XRCC2: variants seen among roughly 807,000 people sequenced by gnomAD.
XRCC2 encodes the protein X-ray repair cross complementing 2.
XRCC2 carries 24 observed loss-of-function variants against 27.3 expected under a neutral mutation model. The observed-to-expected ratio is 0.88, with a 90% CI of 0.64 to 1.24. The LOEUF (loss-of-function observed/expected upper bound fraction) is 1.24, where lower values mean the gene tolerates loss of function less well. Among genes scored for constraint, XRCC2 ranks in the 50% most tolerant of loss-of-function variants. The pLI is 0.00. For synonymous variants in XRCC2, 106 were observed against 115.4 expected, an observed-to-expected ratio of 0.92 and a Z score of 0.52; for missense variants, 321 against 325.8, an observed-to-expected ratio of 0.99 and a Z score of 0.11.
intron 2 of XRCC2, among the ~76,000 whole-genome samples, chr7:152,657,378 C>T (rs1159000768): frequency 1.3e-5 from 2 of 152,044 alleles, no homozygotes; most frequent in African/African-American, 2.4e-5. Context: ...CGGCTCACTG[C>T]AACCTCTGCC....
At chr7:152,663,590 G>C (rs1200297998) in intron 1 of XRCC2, among the ~76,000 whole-genome samples, 1 of 152,146 alleles carries the variant, frequency 6.6e-6, no homozygotes, top group Non-Finnish European at 1.5e-5. Context: ...TGTAATCCTA[G>C]TCCCTCGGGA....
At chr7:152,672,403 C>T (rs1250928728) in intron 1 of XRCC2, among the ~76,000 whole-genome samples, 1 of 152,054 alleles carries the variant, frequency 6.6e-6, no homozygotes, top group African/African-American at 2.4e-5. Flanking sequence ...TTAAGAAAAT[C>T]AACCTTTATT....
At chr7:152,662,784 G>GGGAT (rs2098033758) in intron 1 of XRCC2, among the ~76,000 whole-genome samples, 1 of 150,936 alleles carries the variant, frequency 6.6e-6, no homozygotes, top group Non-Finnish European at 1.5e-5. Context: ...CATTTTAGCC[G>GGGAT]GGATGGTCTC....
intron 2 of XRCC2, among the ~76,000 whole-genome samples, chr7:152,658,168 G>A (rs3218482): frequency 0.03 from 4,425 of 149,994 alleles, 200 homozygotes; most frequent in African/African-American, 0.1. Flanking sequence ...TTTTTGAGGC[G>A]GAGTCTCACT....
chr7:152,659,090 A>G (rs1270532029), intron 2 of XRCC2, among the ~76,000 whole-genome samples: 1 of 151,894 alleles, frequency 6.6e-6, no homozygotes, highest in Non-Finnish European at 1.5e-5. Context: ...TCTTACCAAC[A>G]GTGCAAAAGG....
At chr7:152,660,540 G>A (rs1282044666) in intron 2 of XRCC2, among the ~76,000 whole-genome samples, 161 bp downstream of exon 2, 1 of 152,228 alleles carries the variant, frequency 6.6e-6, no homozygotes, top group East Asian at 1.9e-4. Flanking sequence ...CACCGATGAG[G>A]AAAGCTTAAA....
intron 2 of XRCC2, among the ~76,000 whole-genome samples, chr7:152,658,097 C>T (rs1444397780): frequency 1.3e-5 from 2 of 151,580 alleles, no homozygotes; most frequent in African/African-American, 4.8e-5. Flanking sequence ...TCTCAAGTAG[C>T]TGGGATTACA....
At chr7:152,659,466 C>T (rs116863174) in intron 2 of XRCC2, among the ~76,000 whole-genome samples, 145 of 152,220 alleles carry the variant, frequency 9.5e-4, no homozygotes, top group South Asian at 3.1e-3. Context: ...CCACTGCGCT[C>T]GGCTATAACC....
At chr7:152,670,370 G>T (rs2098037666) in intron 1 of XRCC2, among the ~76,000 whole-genome samples, 1 of 152,180 alleles carries the variant, frequency 6.6e-6, no homozygotes, top group Non-Finnish European at 1.5e-5. Context: ...CTTAATAGCT[G>T]CCTAGTAAAC....
intron 2 of XRCC2, among the ~76,000 whole-genome samples, chr7:152,651,572 C>T (rs573068186): frequency 6.6e-6 from 1 of 152,106 alleles, no homozygotes; most frequent in African/African-American, 2.4e-5. Flanking sequence ...CATAATCTTA[C>T]ATACAACTTG....
At chr7:152,658,183 C>T (rs958813858) in intron 2 of XRCC2, among the ~76,000 whole-genome samples, 3 of 150,902 alleles carry the variant, frequency 2.0e-5, no homozygotes, top group South Asian at 2.1e-4. Flanking sequence ...CTCACTCTGT[C>T]GCCCAGGCTG....
chr7:152,672,152 G>A (rs960977472), intron 1 of XRCC2, among the ~76,000 whole-genome samples: 11 of 152,148 alleles, frequency 7.2e-5, no homozygotes, highest in African/African-American at 2.4e-4. Context: ...TTCACCATGC[G>A]TAGGTAAATA....
At chr7:152,653,126 G>A (rs1427475660) in intron 2 of XRCC2, among the ~76,000 whole-genome samples, 3 of 152,116 alleles carry the variant, frequency 2.0e-5, no homozygotes, top group Admixed American at 6.5e-5. Flanking sequence ...ATGGGGGCGG[G>A]TCTTTCCTGT....
intron 2 of XRCC2, among the ~76,000 whole-genome samples, chr7:152,658,881 TTTAGG>T (rs1434976269): frequency 1.3e-5 from 2 of 152,246 alleles, no homozygotes; most frequent in Non-Finnish European, 2.9e-5. Context: ...TTGATGGACA[TTTAGG>T]TTGGTTTTAC....
rs1213272601 is a variant in XRCC2, at chr7:152,660,712, G to GA, written c.109dup (p.Ser37PhefsTer6). The GA allele has an allele frequency of 1.2e-6, 2 of 1,612,772 alleles. No individual in the cohort carries two copies. Among genetic ancestry groups the GA allele is most frequent in the Admixed American group, 3.3e-5 (2 of 59,842 alleles). On this transcript the variant is annotated frameshift_variant, in exon 2 of 3. Transcript: ENST00000359321. LOFTEE classifies it high-confidence loss of function. ...GTTGTATTTTTTACCATGCACAGGTGAATCTTCATCAGCAAACAGATTTGG... is the reference window on the plus strand; with the variant it reads ...GTTGTATTTTTTACCATGCACAGGTGAAATCTTCATCAGCAAACAGATTTGG...
rs1409275823 is a variant in XRCC2 at position 152,644,996 on chromosome 7, C to T, written c.*3646G>A. Reference sequence around the variant, plus strand: ...TGATGTTAGTTCTGTTTAGAAATAACTCCAAGAATAGTTTTTATATTTTAT... The same window carrying T: ...TGATGTTAGTTCTGTTTAGAAATAATTCCAAGAATAGTTTTTATATTTTAT... On this transcript the variant is annotated 3_prime_UTR_variant, in exon 3 of 3. Transcript: ENST00000359321. 1.3e-5 allele frequency: 2 copies of T among 152,264 alleles called. No homozygotes were observed. The highest frequency in any genetic ancestry group is 3.9e-4 in the East Asian group (2 of 5,188). The allele number at this position is 152,264 out of a possible 1,614,324, so 9.4% of individuals were successfully genotyped here.
chr7:152,652,576 C>CT (rs1228246918), intron 2 of XRCC2, among the ~76,000 whole-genome samples: 2 of 152,010 alleles, frequency 1.3e-5, no homozygotes, highest in East Asian at 1.9e-4. Flanking sequence ...AAAGCAAACT[C>CT]TATCATCTCC....
chr7:152,668,027 C>CA (rs59503175), intron 1 of XRCC2, among the ~76,000 whole-genome samples: 11,293 of 105,422 alleles, frequency 0.11, 602 homozygotes, highest in Admixed American at 0.22. Flanking sequence ...GACTCCATCT[C>CA]AAAAAAAAAA....
At position 152,648,445 on chromosome 7, in the gene XRCC2, G is replaced by T; in HGVS notation, c.*197C>A. 2 of 410,328 alleles carry T rather than the reference G, an allele frequency of 4.9e-6. No individual in the cohort carries two copies. Among genetic ancestry groups the T allele is most frequent in the South Asian group, 9.2e-5 (1 of 10,888 alleles). 25.4% of individuals were successfully genotyped at this position (410,328 alleles called of 1,614,324 possible). ...AAAAAAAAAGAAAACTTTTGGCCAC[G>T]AGCAGTGGCTCACGCCTGTAATCCC... On this transcript the variant is annotated 3_prime_UTR_variant, in exon 3 of 3. Transcript: ENST00000359321.
Sources: gnomAD v4.1 joint callset for allele counts (sites outside exome capture counted in the v4.1 genomes callset) on GRCh38, gnomAD v4.1.1 for gene constraint, MANE v1.5 for transcripts, NCBI Gene and HGNC (gene_info 2026-07-23, HGNC 2026-07-21) for gene names.